The following COG3 variants were observed in gnomAD, a reference collection of about 807,000 sequenced individuals.
COG3 encodes component of oligomeric golgi complex 3, also known as conserved oligomeric Golgi complex subunit 3.
Under a neutral mutation model 114.1 loss-of-function variants are expected in COG3, and 32 were observed. That is an observed-to-expected ratio of 0.28 (90% confidence interval 0.21 to 0.38). The LOEUF (loss-of-function observed/expected upper bound fraction) is 0.38, where lower values mean the gene tolerates loss of function less well. Among genes scored for constraint, COG3 ranks in the 10% least tolerant of loss-of-function variants. COG3 has a pLI of 1.00. For synonymous variants in COG3, 352 were observed against 365.7 expected, an observed-to-expected ratio of 0.96 and a Z score of 0.43; for missense variants, 813 against 973.2, an observed-to-expected ratio of 0.84 and a Z score of 2.19.
chr13:45,477,383 G>T (rs1364284901), intron 2 of COG3, among the ~76,000 whole-genome samples: 1 of 152,042 alleles, frequency 6.6e-6, no homozygotes, highest in African/African-American at 2.4e-5. Context: ...AAACTAATAT[G>T]CTGACTTATA....
intron 3 of COG3, 146 bp from the exon 4 acceptor site, chr13:45,479,979 A>T: frequency 1.7e-6 from 1 of 576,578 alleles, no homozygotes; most frequent in African/African-American, 1.9e-5. Flanking sequence ...CTTTTGGTAC[A>T]TTTCTTAACA....
rs1263908499 is a variant in COG3 at position 45,489,462 on chromosome 13, A to G, written c.925-1453A>G. On this transcript the variant is annotated intron_variant, in intron 8 of 22. Coordinates refer to ENST00000349995, the MANE Select transcript of COG3 (RefSeq NM_031431.4). ...TGCTTTTGCTTATTAGCCAAATACT[A>G]ATGATAAAAATTTGATTAGAAAAGA... Among the ~76,000 whole-genome samples the G allele has an allele frequency of 2.0e-5, 3 of 152,120 alleles. No homozygotes were observed. The South Asian group carries it at 6.2e-4, about 32-fold the overall frequency.
intron 22 of COG3, chr13:45,532,067 G>A: frequency 6.6e-6 from 1 of 151,790 alleles, no homozygotes; most frequent in Non-Finnish European, 1.5e-5. Context: ...TTGTCTCTGT[G>A]GATTTGCCTA....
At chr13:45,524,085 AT>A (rs1872444357) in intron 19 of COG3, among the ~76,000 whole-genome samples, 2 of 152,072 alleles carry the variant, frequency 1.3e-5, no homozygotes. Context: ...GGCTGAAGAG[AT>A]CCAAGTCAAC....
At chr13:45,504,789 TG>T (rs1869944359) in intron 14 of COG3, among the ~76,000 whole-genome samples, 1 of 152,198 alleles carries the variant, frequency 6.6e-6, no homozygotes, top group Non-Finnish European at 1.5e-5. Flanking sequence ...CCATTGAGCG[TG>T]TGAAATGTGG....
intron 14 of COG3, among the ~76,000 whole-genome samples, chr13:45,506,608 G>C (rs1870179295): frequency 1.3e-5 from 2 of 152,212 alleles, no homozygotes; most frequent in African/African-American, 4.8e-5. Context: ...AAAGTCTTTG[G>C]AGTTGAGAAG....
chr13:45,468,719 C>A (rs1885294842), intron 1 of COG3, among the ~76,000 whole-genome samples: 1 of 152,230 alleles, frequency 6.6e-6, no homozygotes, highest in Admixed American at 6.5e-5. Context: ...ATGTTAGTGT[C>A]TCCATTTGCA....
At chr13:45,508,605 T>TAAA (rs2137876908) in intron 14 of COG3, among the ~76,000 whole-genome samples, 1 of 152,290 alleles carries the variant, frequency 6.6e-6, no homozygotes, top group African/African-American at 2.4e-5. Context: ...ATTATTGCAC[T>TAAA]AAAAATTTAA....
Position 45,509,668 on chromosome 13 carries a change from T to C in COG3, c.1595-24T>C, listed in dbSNP as rs779510445. 3.1e-6 allele frequency: 5 copies of C among 1,611,578 alleles called. No individual in the cohort carries two copies. In the South Asian group the frequency reaches 5.5e-5, roughly 18 times the overall value. On this transcript the variant is annotated intron_variant, in intron 14 of 22. Coordinates refer to ENST00000349995, the MANE Select transcript of COG3 (RefSeq NM_031431.4). ...CAAATATCCACATGTGTGAAATGTGTCTTCTTTTCCACTTGGGTTTTAGGT... is the reference window on the plus strand; with the variant it reads ...CAAATATCCACATGTGTGAAATGTGCCTTCTTTTCCACTTGGGTTTTAGGT...
intron 10 of COG3, among the ~76,000 whole-genome samples, chr13:45,491,939 A>G (rs1887042829): frequency 6.6e-6 from 1 of 152,174 alleles, no homozygotes; most frequent in African/African-American, 2.4e-5. Context: ...ATTTGTGTTT[A>G]TTATGAGAAG....
chr13:45,474,987 T>C (rs774932822), intron 1 of COG3, among the ~76,000 whole-genome samples: 50 of 152,210 alleles, frequency 3.3e-4, no homozygotes, highest in Non-Finnish European at 6.0e-4. Flanking sequence ...GGTCTTTCTT[T>C]GATAGTGGAG....
chr13:45,465,257 C>G, intron 1 of COG3, 47 bp downstream of exon 1: 1 of 1,597,410 alleles, frequency 6.3e-7, no homozygotes, highest in Non-Finnish European at 8.5e-7. Flanking sequence ...GGCTGGGATT[C>G]TCCTCGGGCG....
rs749929596 is a variant in COG3, at chr13:45,496,102, AAAG to A, written c.1328-49_1328-47del. 7.1e-6 allele frequency: 11 copies of A among 1,547,516 alleles called. No individual in the cohort carries two copies. The South Asian group carries it at 1.3e-4, about 18-fold the overall frequency. On this transcript the variant is annotated intron_variant, in intron 12 of 22. Transcript: ENST00000349995. ...AGTAACATCTTTGCTTGTTTAAAAG[AAAG>A]TGTTTTTCTAAATCTAAAAGAATGG...
intron 1 of COG3, among the ~76,000 whole-genome samples, chr13:45,470,213 G>A (rs983286758): frequency 6.6e-6 from 1 of 152,180 alleles, no homozygotes; most frequent in African/African-American, 2.4e-5. Context: ...TACTTCCTTT[G>A]TATATGCATA....
Position 45,536,602 on chromosome 13 carries a change from A to C in COG3, c.*1871A>C, listed in dbSNP as rs1222020231. 6.6e-6 allele frequency: 1 copy of C among 152,242 alleles called. No homozygotes were observed. Among genetic ancestry groups the C allele is most frequent in the Non-Finnish European group, 1.5e-5 (1 of 68,042 alleles). The allele number at this position is 152,242 out of a possible 1,614,324, so 9.4% of individuals were successfully genotyped here. A position where few individuals can be genotyped will look rare whatever the true frequency, so the allele number is the denominator to read the frequency against. ...TGTTTTTAATAAATGTGAATTTTTT[A>C]AAAATAAAGATTTTTGCTTCCTACC... On this transcript the variant is annotated 3_prime_UTR_variant, in exon 23 of 23. Transcript: ENST00000349995.
intron 1 of COG3, 102 bp downstream of exon 1, chr13:45,465,312 C>G: frequency 1.4e-6 from 2 of 1,460,930 alleles, no homozygotes; most frequent in Middle Eastern, 2.5e-4. Flanking sequence ...CAGGATATCT[C>G]TCCACTCCTC....
intron 7 of COG3, among the ~76,000 whole-genome samples, chr13:45,485,038 C>A (rs939663068): frequency 1.5e-5 from 2 of 137,520 alleles, no homozygotes; most frequent in African/African-American, 5.3e-5. Context: ...ATCTCTCAAT[C>A]TTTTCCCCAC....
chr13:45,490,777 T>A (rs1373657301), intron 8 of COG3, 138 bp from the exon 9 acceptor site: 2 of 442,214 alleles, frequency 4.5e-6, no homozygotes, highest in Non-Finnish European at 7.9e-6. Context: ...GAATTTTTGG[T>A]ATAAGTGATT....
At chr13:45,526,879 C>G (rs574585183) in intron 20 of COG3, among the ~76,000 whole-genome samples, 1 of 152,212 alleles carries the variant, frequency 6.6e-6, no homozygotes, top group Non-Finnish European at 1.5e-5. Flanking sequence ...GCAGACTTAT[C>G]AGTTCACAAC....
Sources: allele counts gnomAD v4.1 joint callset (sites outside exome capture counted in the v4.1 genomes callset), GRCh38; gene constraint gnomAD v4.1.1; transcripts MANE v1.5; gene names NCBI Gene and HGNC (gene_info 2026-07-23, HGNC 2026-07-21).